Variants in FBRS observed in about 807,000 individuals in gnomAD.
The protein encoded by FBRS is probable fibrosin-1.
FBRS carries 15 observed loss-of-function variants against 86.1 expected under a neutral mutation model. The observed-to-expected ratio is 0.17, with a 90% CI of 0.12 to 0.27. FBRS has a LOEUF of 0.27. FBRS is among the 10% of genes least tolerant of loss of function. The pLI, the probability that FBRS is intolerant of heterozygous loss-of-function variation, is 1.00. For synonymous variants in FBRS, 666 were observed against 575.8 expected, an observed-to-expected ratio of 1.16 and a Z score of -2.24; for missense variants, 1,367 against 1,301.6, an observed-to-expected ratio of 1.05 and a Z score of -0.77.
At chr16:30,664,166 G>A in intron 6 of FBRS, 49 bp from the exon 7 acceptor site, 1 of 1,285,460 alleles carries the variant, frequency 7.8e-7, no homozygotes, top group Non-Finnish European at 9.9e-7. Context: ...CCTCCCGTCA[G>A]AGCTGGCACC....
At chr16:30,660,015 C>G in intron 1 of FBRS, 38 bp downstream of exon 1, 1 of 1,532,896 alleles carries the variant, frequency 6.5e-7, no homozygotes, top group South Asian at 1.2e-5. Flanking sequence ...TGGGGGTTTC[C>G]GAGGGGCAGC....
rs752631655 is a variant in FBRS at position 30,664,931 on chromosome 16, C to T, written c.1563+11C>T. 13 of 1,609,882 alleles carry T rather than the reference C, an allele frequency of 8.1e-6. No homozygotes were observed. The highest frequency in any genetic ancestry group is 1.1e-5 in the Non-Finnish European group (13 of 1,177,912). On this transcript the variant is annotated intron_variant, in intron 8 of 17. Transcript: ENST00000356166. ...CACGGCCCCCACATGGTGAGCTCCT[C>T]ATTGGGCTGGCGATGAGGCTCGGAG...
rs1222428236 is a variant in FBRS at position 30,664,296 on chromosome 16, C to A, written c.1137C>A (p.Ser379=). The change falls in exon 7 of 18, where the codon TCC becomes TCA. Residue 379 remains serine, a synonymous_variant. Transcript: ENST00000356166. The part of the protein sequence containing the change: ...PPSSSSSSSS[S]SSASSSSAQL... The stretch of plus-strand genomic sequence containing the variant: ...CATCATCCTCTTCGTCCTCCTCCTC[C>A]TCATCTGCCTCCTCCTCGTCCGCGC... The A allele has an allele frequency of 5.2e-6, 8 of 1,531,534 alleles. No individual in the cohort carries two copies. The highest frequency in any genetic ancestry group is 7.0e-6 in the Non-Finnish European group (8 of 1,134,886). The allele number at this position is 1,531,534 out of a possible 1,614,324, so 94.9% of individuals were successfully genotyped here.
chr16:30,660,310 G>A lies in FBRS; in HGVS notation c.507G>A (p.Lys169=). The A allele has an allele frequency of 7.7e-7, 1 of 1,303,202 alleles. No individual in the cohort carries two copies. The highest frequency in any genetic ancestry group is 9.8e-7 in the Non-Finnish European group (1 of 1,017,100). 80.7% of individuals were successfully genotyped at this position (1,303,202 alleles called of 1,614,324 possible). A position where few individuals can be genotyped will look rare whatever the true frequency, so the allele number is the denominator to read the frequency against. ...QPPERLEHRL[K]HSGKRKRGGS... ...CAGAGCGACTGGAACATCGGCTGAAGCATTCTGGGAAGCGGAAAAGGGGGG... is the reference window on the plus strand; with the variant it reads ...CAGAGCGACTGGAACATCGGCTGAAACATTCTGGGAAGCGGAAAAGGGGGG... Residue 169 remains lysine (K), a synonymous_variant, in exon 2 of 18, where the codon AAG becomes AAA. Coordinates refer to ENST00000356166, the MANE Select transcript of FBRS (RefSeq NM_001105079.3).
rs1424294971 is a variant in FBRS, at chr16:30,658,782, AG to A, written c.-733del. 6.6e-6 allele frequency: 1 copy of A among 152,216 alleles called. No individual in the cohort carries two copies. The highest frequency in any genetic ancestry group is 1.5e-5 in the Non-Finnish European group (1 of 68,052). The allele number at this position is 152,216 out of a possible 1,614,324, so 9.4% of individuals were successfully genotyped here. On this transcript the variant is annotated 5_prime_UTR_variant, in exon 1 of 18. Coordinates refer to ENST00000356166, the MANE Select transcript of FBRS (RefSeq NM_001105079.3). ...AGGAGGCCCCTTTAAATCTCCTTAA[AG>A]GGGTGGCCACTGAACTCGGCGGACT...
chr16:30,662,289 C>T, intron 4 of FBRS, 131 bp from the exon 5 acceptor site: 6 of 1,383,690 alleles, frequency 4.3e-6, no homozygotes, highest in Non-Finnish European at 5.9e-6. Flanking sequence ...TTTGATGGAT[C>T]TCAGCTAAAC....
Position 30,669,589 on chromosome 16 carries a change from G to A in FBRS, c.2887G>A (p.Ala963Thr), listed in dbSNP as rs761418115. The change falls in exon 18 of 18, where the codon GCC becomes ACC. Residue 963 changes from alanine (A) to threonine (T), a missense_variant. Coordinates refer to ENST00000356166, the MANE Select transcript of FBRS (RefSeq NM_001105079.3). The surrounding 1 kb of genome is among the most constrained non-coding windows in gnomAD (Gnocchi z 5.9). Reference protein sequence around the residue: ...LLGAPPPLVPAPRPSSPPRGP... With the variant: ...LLGAPPPLVPTPRPSSPPRGP... Reference sequence around the variant, plus strand: ...GGGGGCACCACCTCCGCTTGTGCCCGCCCCCCGGCCCAGTTCCCCACCTAG... The same window carrying A: ...GGGGGCACCACCTCCGCTTGTGCCCACCCCCCGGCCCAGTTCCCCACCTAG... 2.6e-5 allele frequency: 42 copies of A among 1,610,618 alleles called. No individual in the cohort carries two copies. Among genetic ancestry groups the A allele is most frequent in the African/African-American group, 9.3e-5 (7 of 74,890 alleles).
At position 30,662,697 on chromosome 16, in the gene FBRS, C is replaced by A. The variant is rs1420669345; in HGVS notation, c.893C>A (p.Pro298Gln). The A allele has an allele frequency of 5.8e-6, 9 of 1,548,898 alleles. No individual in the cohort carries two copies. The highest frequency in any genetic ancestry group is 7.0e-6 in the Non-Finnish European group (8 of 1,146,008). ...PLLVPFPPKE[P>Q]PPPPVPRPPV... ...CTAGTGCCTTTCCCCCCAAAGGAAC[C>A]ACCGCCTCCACCGGTCCCTCGGCCT... Residue 298 changes from proline to glutamine, a missense_variant, in exon 6 of 18, where the codon CCA becomes CAA. This residue lies in a region of FBRS where 702 missense variants were observed against 598.7 expected (regional missense o/e 1.17). Coordinates refer to ENST00000356166, the MANE Select transcript of FBRS (RefSeq NM_001105079.3).
intron 15 of FBRS, 184 bp from the exon 16 acceptor site, chr16:30,668,376 G>T: frequency 1.7e-6 from 1 of 587,720 alleles, no homozygotes. Flanking sequence ...TTTTTGTGAG[G>T]TTAACCGACA....
Position 30,665,010 on chromosome 16 carries a change from C to T in FBRS, c.1564-25C>T, listed in dbSNP as rs910849140. ...GAAGGCCCGGGTCCCTGGCTGGCAG[C>T]TTACTCTTCCCTTCTCTTCCCTAGT... is the stretch of plus-strand genomic sequence containing the variant. On this transcript the variant is annotated intron_variant, in intron 8 of 17. Transcript: ENST00000356166. The surrounding 1 kb of genome is among the most constrained non-coding windows in gnomAD (Gnocchi z 4.1). 1.9e-6 allele frequency: 3 copies of T among 1,612,408 alleles called. No individual in the cohort carries two copies. The highest frequency in any genetic ancestry group is 2.2e-5 in the East Asian group (1 of 44,870).
chr16:30,666,782 C>T (rs2052526713), intron 12 of FBRS, 137 bp from the exon 13 acceptor site: 3 of 1,139,594 alleles, frequency 2.6e-6, no homozygotes, highest in Non-Finnish European at 3.9e-6. Flanking sequence ...TAAAATGAAC[C>T]TAGTCATCCC....
chr16:30,660,580 T>C, intron 2 of FBRS, 138 bp downstream of exon 2: 1 of 1,247,540 alleles, frequency 8.0e-7, no homozygotes, highest in Middle Eastern at 2.6e-4. Context: ...ATTTGAGCCC[T>C]TACTCATCCG....
In FBRS at chr16:30,664,385, C is replaced by T. The variant is rs746999459; in HGVS notation, c.1226C>T (p.Pro409Leu). ...CCTTTGTCCACCCACAGCTTTCCCCCTCCCGGGCTGCGGCCCCCCCCACCA... is the reference window on the plus strand; with the variant it reads ...CCTTTGTCCACCCACAGCTTTCCCCTTCCCGGGCTGCGGCCCCCCCCACCA... ...PLPLSTHSFP[P>L]PGLRPPPPPH... Residue 409 changes from proline to leucine, a missense_variant, in exon 7 of 18, where the codon CCT (proline) becomes CTT (leucine). By Grantham distance (98) the Pro-to-Leu change is moderately conservative. Transcript: ENST00000356166. 22 of 1,504,826 alleles carry T rather than the reference C, an allele frequency of 1.5e-5. No homozygotes were observed. The highest frequency in any genetic ancestry group is 2.8e-5 in the African/African-American group (2 of 71,994). 93.2% of individuals were successfully genotyped at this position (1,504,826 alleles called of 1,614,324 possible). A position where few individuals can be genotyped will look rare whatever the true frequency, so the allele number is the denominator to read the frequency against.
rs1234972265 is a variant in FBRS, at chr16:30,659,715, C to G, written c.197C>G (p.Pro66Arg). The G allele has an allele frequency of 5.3e-6, 6 of 1,141,866 alleles. No individual in the cohort carries two copies. Among genetic ancestry groups the G allele is most frequent in the Non-Finnish European group, 7.3e-6 (6 of 819,360 alleles). 70.7% of individuals were successfully genotyped at this position (1,141,866 alleles called of 1,614,324 possible). The change falls in exon 1 of 18, where the codon CCT becomes CGT. Residue 66 changes from proline (P) to arginine (R), a missense_variant. Pro to Arg is a moderately radical substitution (Grantham distance 103). Around this residue, in one of 3 missense-constraint regions of FBRS, gnomAD observed 702 missense variants for 598.7 expected, o/e 1.17. Coordinates refer to ENST00000356166, the MANE Select transcript of FBRS (RefSeq NM_001105079.3). ...TCGTCGCCGCCGCCGCCCGCCAGGC[C>G]TTGGTCGTCAGCTTCGTCTGGAGAG... ...SSSSPPPPAR[P>R]WSSASSGERP... is the part of the protein sequence containing the mutation.
chr16:30,662,057 C>G, intron 4 of FBRS: 1 of 242,946 alleles, frequency 4.1e-6, no homozygotes, highest in Admixed American at 5.3e-5. Context: ...TAAATATCTG[C>G]AGTTGGTTTA....
At position 30,665,817 on chromosome 16, in the gene FBRS, T is replaced by C. The variant is rs2052516640; in HGVS notation, c.1773+111T>C. 3 of 1,031,802 alleles carry C rather than the reference T, an allele frequency of 2.9e-6. No individual in the cohort carries two copies. The Admixed American group carries it at 6.9e-5, about 24-fold the overall frequency. 63.9% of individuals were successfully genotyped at this position (1,031,802 alleles called of 1,614,324 possible). A position where few individuals can be genotyped will look rare whatever the true frequency, so the allele number is the denominator to read the frequency against. On this transcript the variant is annotated intron_variant, in intron 11 of 17. Coordinates refer to ENST00000356166, the MANE Select transcript of FBRS (RefSeq NM_001105079.3). This position sits in a 1 kb window ranked among gnomAD's most constrained non-coding sequence, Gnocchi z 4.1. ...TTCCTCCCTTGAATTCACAATCGGGTGTTCCTGGGTGTCTAATAGAGAGGG... is the reference window on the plus strand; with the variant it reads ...TTCCTCCCTTGAATTCACAATCGGGCGTTCCTGGGTGTCTAATAGAGAGGG...
intron 16 of FBRS, 60 bp from the exon 17 acceptor site, chr16:30,668,712 G>A: frequency 6.3e-7 from 1 of 1,585,302 alleles, no homozygotes; most frequent in East Asian, 2.3e-5. Flanking sequence ...TCTGGGAGGA[G>A]GCCTGAACAG....
rs544182720 is a variant in FBRS, at chr16:30,664,914, C to G, written c.1557C>G (p.Pro519=). ...YPPGLLPPHG[P]HMFEKYPGKM... is the part of the protein sequence containing the mutation. ...CGGGCCTGCTGCCACCCCACGGCCC[C>G]CACATGGTGAGCTCCTCATTGGGCT... is the stretch of plus-strand genomic sequence containing the variant. Residue 519 remains proline, a synonymous_variant, in exon 8 of 18, where the codon CCC becomes CCG. Transcript: ENST00000356166. 4.3e-6 allele frequency: 7 copies of G among 1,610,792 alleles called. No individual in the cohort carries two copies. In the South Asian group the frequency reaches 7.7e-5, roughly 18 times the overall value.
At position 30,666,511 on chromosome 16, in the gene FBRS, G is replaced by C; in HGVS notation, c.1774-1G>C. 1 of 1,614,016 alleles carries C rather than the reference G, an allele frequency of 6.2e-7. No individual in the cohort carries two copies. On this transcript the variant is annotated splice_acceptor_variant, in intron 11 of 17. Transcript: ENST00000356166. LOFTEE classifies it high-confidence loss of function. Reference sequence around the variant, plus strand: ...TCCCATCTCTCCTTTGCCATCCCCAGATCCCCGACCATTTCCGGCCACCTT... The same window carrying C: ...TCCCATCTCTCCTTTGCCATCCCCACATCCCCGACCATTTCCGGCCACCTT...
Sources: gnomAD v4.1 joint callset for allele counts on GRCh38, gnomAD v4.1.1 for gene constraint, gnomAD v4.1.1 regional missense constraint, Gnocchi (gnomAD v3.1) non-coding constraint, MANE v1.5 for transcripts, NCBI Gene and HGNC (gene_info 2026-07-23, HGNC 2026-07-21) for gene names.